The following PCDHGA6 variants were observed in gnomAD, a reference collection of about 807,000 sequenced individuals.
PCDHGA6 encodes the protein protocadherin gamma subfamily A, 6.
A neutral mutation model predicts 60.6 loss-of-function variants in PCDHGA6; 41 were observed. The observed-to-expected ratio is 0.68, with a 90% CI of 0.53 to 0.88. PCDHGA6 has a LOEUF of 0.88. Among genes scored for constraint, PCDHGA6 ranks in the 40% least tolerant of loss-of-function variants. The pLI, the probability that PCDHGA6 is intolerant of heterozygous loss-of-function variation, is 0.00. For synonymous variants in PCDHGA6, 594 were observed against 524.4 expected (o/e 1.13, Z -1.81); for missense variants, 1,312 against 1,203.0 (o/e 1.09, Z -1.34).
chr5:141,453,620 A>G (rs2098770145), intron 1 of PCDHGA6, among the ~76,000 whole-genome samples: 1 of 152,196 alleles, frequency 6.6e-6, no homozygotes. Context: ...CAAAAACAAA[A>G]CCTATACATA....
chr5:141,472,132 A>C (rs1004365239), intron 1 of PCDHGA6, among the ~76,000 whole-genome samples: 3 of 152,272 alleles, frequency 2.0e-5, no homozygotes, highest in African/African-American at 7.2e-5. Flanking sequence ...GAGAAGTTAA[A>C]AATAAAAGTT....
At chr5:141,398,502 C>A in intron 1 of PCDHGA6, 1 of 1,596,962 alleles carries the variant, frequency 6.3e-7, no homozygotes, top group Admixed American at 1.7e-5. Flanking sequence ...AGATCGAGGA[C>A]ATTAATGACC....
rs763355904 is a variant in PCDHGA6, at chr5:141,374,266, G to A, written c.183G>A (p.Glu61=). The A allele has an allele frequency of 3.1e-6, 5 of 1,614,016 alleles. No individual in the cohort carries two copies. Among genetic ancestry groups the A allele is most frequent in the Middle Eastern group, 1.7e-4 (1 of 6,060 alleles). ...DLGLEPQELA[E]HGVRIVSRGR... is the part of the protein sequence containing the mutation. Reference sequence around the variant, plus strand: ...GACTGGAGCCCCAGGAGTTGGCGGAGCACGGAGTCCGCATCGTCTCCAGAG... The same window carrying A: ...GACTGGAGCCCCAGGAGTTGGCGGAACACGGAGTCCGCATCGTCTCCAGAG... Residue 61 remains glutamate, a synonymous_variant, in exon 1 of 4, where the codon GAG becomes GAA. Transcript: ENST00000517434.
intron 1 of PCDHGA6, chr5:141,416,492 A>G (rs183273356): frequency 1.4e-4 from 22 of 152,306 alleles, no homozygotes; most frequent in Admixed American, 1.4e-3. Flanking sequence ...AACAGGAGCA[A>G]GAGATATATG....
rs1452697214 is a variant in PCDHGA6, at chr5:141,476,552, G to A, written c.2425-18255G>A. ...CCAGGAAATGAAATTGGAGATTAGCGAGGCCGTGGCTCCGGGGACGCGCTT... is the reference window on the plus strand; with the variant it reads ...CCAGGAAATGAAATTGGAGATTAGCAAGGCCGTGGCTCCGGGGACGCGCTT... On this transcript the variant is annotated intron_variant, in intron 1 of 3. Transcript: ENST00000517434. The surrounding 1 kb of genome is among the most constrained non-coding windows in gnomAD (Gnocchi z 7.6). 1 of 1,614,210 alleles carries A rather than the reference G, an allele frequency of 6.2e-7. No homozygotes were observed. Among genetic ancestry groups the A allele is most frequent in the Non-Finnish European group, 8.5e-7 (1 of 1,180,032 alleles).
chr5:141,424,353 T>C (rs923306479), intron 1 of PCDHGA6: 1 of 152,246 alleles, frequency 6.6e-6, no homozygotes, highest in African/African-American at 2.4e-5. Flanking sequence ...GGAGATAAAA[T>C]TTAGATCACA....
intron 1 of PCDHGA6, chr5:141,392,647 C>A: frequency 1.5e-6 from 1 of 685,816 alleles, no homozygotes; most frequent in Non-Finnish European, 2.3e-6. Flanking sequence ...CTCACGAAGA[C>A]CCGCAGATGC....
At chr5:141,406,544 T>A (rs1254762260) in intron 1 of PCDHGA6, among the ~76,000 whole-genome samples, 1 of 152,222 alleles carries the variant, frequency 6.6e-6, no homozygotes, top group Non-Finnish European at 1.5e-5. Context: ...AGATTCAAAC[T>A]TCAGTTATCC....
At chr5:141,397,904 G>A in intron 1 of PCDHGA6, 1 of 657,312 alleles carries the variant, frequency 1.5e-6, no homozygotes, top group Non-Finnish European at 2.5e-6. Flanking sequence ...TGCAGAGCTT[G>A]GCGCTCCAGA....
rs369748404 is a variant in PCDHGA6 at position 141,476,671 on chromosome 5, G to A, written c.2425-18136G>A. The A allele has an allele frequency of 6.2e-7, 1 of 1,614,128 alleles. No homozygotes were observed. Among genetic ancestry groups the A allele is most frequent in the Non-Finnish European group, 8.5e-7 (1 of 1,180,056 alleles). On this transcript the variant is annotated intron_variant, in intron 1 of 3. Coordinates refer to ENST00000517434, the MANE Select transcript of PCDHGA6 (RefSeq NM_018919.3). This position sits in a 1 kb window ranked among gnomAD's most constrained non-coding sequence, Gnocchi z 7.6. ...ATGAATACTTTGCGCTTCGCGTGCA[G>A]ACGCGGGAGGACAGCACCAAGTACG...
intron 1 of PCDHGA6, chr5:141,409,549 C>T: frequency 6.2e-7 from 1 of 1,614,004 alleles, no homozygotes; most frequent in Non-Finnish European, 8.5e-7. Context: ...ACGACAACGC[C>T]CCAGTTTTCG....
rs1212381177 is a variant in PCDHGA6 at position 141,438,571 on chromosome 5, TATACATAC to T, written c.2425-56220_2425-56213del. On this transcript the variant is annotated intron_variant, in intron 1 of 3. Coordinates refer to ENST00000517434, the MANE Select transcript of PCDHGA6 (RefSeq NM_018919.3). Reference sequence around the variant, plus strand: ...GCCCTAATAAGAGGCAGCTGTCTGATATACATACATACATACATACATATATATATATA... The same window carrying T: ...GCCCTAATAAGAGGCAGCTGTCTGATATACATACATACATATATATATATA... Among the ~76,000 whole-genome samples the T allele has an allele frequency of 2.8e-4, 26 of 94,536 alleles. 1 individual carries two copies. Among genetic ancestry groups the T allele is most frequent in the South Asian group, 1.0e-3 (3 of 2,950 alleles). 62.0% of individuals were successfully genotyped at this position (94,536 alleles called of 152,430 possible). A position where few individuals can be genotyped will look rare whatever the true frequency, so the allele number is the denominator to read the frequency against.
rs1320027285 is a variant in PCDHGA6, at chr5:141,376,499, C to G, written c.2416C>G (p.Gln806Glu). 3 of 1,614,146 alleles carry G rather than the reference C, an allele frequency of 1.9e-6. No homozygotes were observed. The highest frequency in any genetic ancestry group is 1.7e-5 in the Admixed American group (1 of 60,034). The part of the protein sequence containing the change: ...DLLETKGEPR[Q>E]LQQAPPNTDW... ...ACTTGAAACGAAAGGAGAACCCAGG[C>G]AACTTCAGGTGAGTTTCTTTCCGCC... The change falls in exon 1 of 4, where the codon CAA (glutamine) becomes GAA (glutamate). Residue 806 changes from glutamine to glutamate, a missense_variant. Coordinates refer to ENST00000517434, the MANE Select transcript of PCDHGA6 (RefSeq NM_018919.3).
Position 141,431,388 on chromosome 5 carries a change from T to G in PCDHGA6, c.2424+54881T>G. 1 of 1,613,920 alleles carries G rather than the reference T, an allele frequency of 6.2e-7. No individual in the cohort carries two copies. The highest frequency in any genetic ancestry group is 8.5e-7 in the Non-Finnish European group (1 of 1,180,038). ...CGCGAAGAAAAGGCTGCTCACCACC[T>G]GGTCCTTACGGCCTCCGACGGGGGC... On this transcript the variant is annotated intron_variant, in intron 1 of 3. Transcript: ENST00000517434. The surrounding 1 kb of genome is among the most constrained non-coding windows in gnomAD (Gnocchi z 4.8).
At chr5:141,505,559 G>A (rs1215110084) in intron 3 of PCDHGA6, 78 bp downstream of exon 3, 27 of 1,604,592 alleles carry the variant, frequency 1.7e-5, no homozygotes, top group Non-Finnish European at 2.0e-5. Flanking sequence ...CCATGCCCAC[G>A]GACTGGATGT....
intron 1 of PCDHGA6, among the ~76,000 whole-genome samples, chr5:141,457,906 T>G (rs1272656638): frequency 6.7e-6 from 1 of 150,040 alleles, no homozygotes; most frequent in Admixed American, 6.6e-5. Flanking sequence ...AGACAAGGTG[T>G]GAGGCCAGTT....
At chr5:141,423,470 A>G in intron 1 of PCDHGA6, 1 of 1,614,002 alleles carries the variant, frequency 6.2e-7, no homozygotes, top group Non-Finnish European at 8.5e-7. Context: ...GACGGGGTAC[A>G]GGCTTTCCTG....
intron 1 of PCDHGA6, chr5:141,409,204 C>A: frequency 6.2e-7 from 1 of 1,613,942 alleles, no homozygotes; most frequent in South Asian, 1.1e-5. Flanking sequence ...GTAAAGTAAT[C>A]ATAGAAATCC....
chr5:141,451,745 G>T (rs562443882), intron 1 of PCDHGA6, among the ~76,000 whole-genome samples: 36 of 152,242 alleles, frequency 2.4e-4, no homozygotes, highest in Middle Eastern at 3.4e-3. Context: ...AGCTGGTCTG[G>T]TGGTGCATGC....
Sources: allele counts gnomAD v4.1 joint callset (sites outside exome capture counted in the v4.1 genomes callset), GRCh38; gene constraint gnomAD v4.1.1; non-coding constraint Gnocchi (gnomAD v3.1); transcripts MANE v1.5; gene names NCBI Gene and HGNC (gene_info 2026-07-23, HGNC 2026-07-21).